EDRF1: variants seen among roughly 807,000 people sequenced by gnomAD.
EDRF1 encodes the protein erythroid differentiation-related factor 1.
Under a neutral mutation model 148.7 loss-of-function variants are expected in EDRF1, and 69 were observed. The ratio of observed to expected loss-of-function variants is 0.46; its 90% confidence interval spans 0.38 to 0.57. The LOEUF is 0.57. Among genes scored for constraint, EDRF1 ranks in the 20% least tolerant of loss-of-function variants. The pLI is 0.00. For missense variants in EDRF1, 1,118 were observed against 1,478.7 expected, an observed-to-expected ratio of 0.76 and a Z score of 4.00; for synonymous variants, 515 against 532.8, an observed-to-expected ratio of 0.97 and a Z score of 0.46.
chr10:125,719,782 C>T lies in EDRF1; in HGVS notation c.-26C>T, dbSNP rs61741149. The T allele has an allele frequency of 1.4e-3, 2,153 of 1,590,842 alleles. 30 individuals are homozygous for T. The African/African-American group carries it at 0.026, about 19-fold the overall frequency. On this transcript the variant is annotated 5_prime_UTR_variant, in exon 1 of 25. Transcript: ENST00000356792. ...TGCTGCTGCTCCTCCGCTCCCCCGTCGTATCGCCTGCCCTGGATCGAAGTG... is the reference window on the plus strand; with the variant it reads ...TGCTGCTGCTCCTCCGCTCCCCCGTTGTATCGCCTGCCCTGGATCGAAGTG...
chr10:125,730,445 A>G, intron 9 of EDRF1, 46 bp downstream of exon 9: 3 of 1,492,804 alleles, frequency 2.0e-6, no homozygotes, highest in Non-Finnish European at 2.8e-6. Context: ...GCAAATTGGT[A>G]CAGAGAGTTC....
chr10:125,730,101 G>C (rs929675234), intron 8 of EDRF1, among the ~76,000 whole-genome samples, 187 bp from the exon 9 acceptor site: 1 of 152,098 alleles, frequency 6.6e-6, no homozygotes, highest in Admixed American at 6.5e-5. Flanking sequence ...GCAAGCTTTT[G>C]GAAAGATGTT....
At chr10:125,743,029 G>A (rs372814037) in intron 17 of EDRF1, 29 bp from the exon 18 acceptor site, 36 of 1,610,176 alleles carry the variant, frequency 2.2e-5, no homozygotes, top group African/African-American at 1.3e-4. Flanking sequence ...CACATGATTC[G>A]CATTGATGTA....
At chr10:125,753,186 C>T (rs1448129744) in intron 23 of EDRF1, among the ~76,000 whole-genome samples, 1 of 152,056 alleles carries the variant, frequency 6.6e-6, no homozygotes. Context: ...TTTTTTGTTG[C>T]TGTTGGTGGG....
Position 125,733,851 on chromosome 10 carries a change from T to C in EDRF1, c.1385+108T>C, listed in dbSNP as rs575615337. 9.6e-5 allele frequency: 104 copies of C among 1,080,714 alleles called. 1 individual carries two copies. The South Asian group carries it at 1.3e-3, about 14-fold the overall frequency. 66.9% of individuals were successfully genotyped at this position (1,080,714 alleles called of 1,614,324 possible). A position where few individuals can be genotyped will look rare whatever the true frequency, so the allele number is the denominator to read the frequency against. The stretch of plus-strand genomic sequence containing the variant: ...GCTTTTAAATGCTTTTAGGTTTTCA[T>C]AGTAGGGGGAAAAATACACGTACAC... On this transcript the variant is annotated intron_variant, in intron 11 of 24. Coordinates refer to ENST00000356792, the MANE Select transcript of EDRF1 (RefSeq NM_001202438.2).
intron 23 of EDRF1, 125 bp from the exon 24 acceptor site, chr10:125,753,565 TTTTG>T (rs1325413361): frequency 9.5e-5 from 98 of 1,029,544 alleles, no homozygotes; most frequent in Middle Eastern, 4.4e-4. Flanking sequence ...TAGGTGTGCT[TTTTG>T]TTTGTTTGTC....
In EDRF1 at chr10:125,743,294, T is replaced by C. The variant is rs1253494395; in HGVS notation, c.2590+18T>C. On this transcript the variant is annotated intron_variant, in intron 18 of 24. Transcript: ENST00000356792. ...GAGACTAGGTGAGTATCTCTTTAGATTCCTCTCTATTGCTTGTTCTCTCAG... is the reference window on the plus strand; with the variant it reads ...GAGACTAGGTGAGTATCTCTTTAGACTCCTCTCTATTGCTTGTTCTCTCAG... 1 of 1,590,492 alleles carries C rather than the reference T, an allele frequency of 6.3e-7. No homozygotes were observed. The highest frequency in any genetic ancestry group is 1.3e-5 in the African/African-American group (1 of 74,394).
At chr10:125,745,551 G>A in intron 18 of EDRF1, 156 bp from the exon 19 acceptor site, 1 of 714,156 alleles carries the variant, frequency 1.4e-6, no homozygotes, top group South Asian at 1.6e-5. Context: ...TCATGTAACA[G>A]GCATGGTGAG....
chr10:125,737,493 G>T (rs964233630), intron 13 of EDRF1, among the ~76,000 whole-genome samples: 1 of 152,140 alleles, frequency 6.6e-6, no homozygotes, highest in Admixed American at 6.5e-5. Context: ...GGGATTCAGC[G>T]AAATGAAATG....
intron 24 of EDRF1, chr10:125,757,099 C>T: frequency 2.4e-6 from 1 of 408,260 alleles, no homozygotes; most frequent in South Asian, 1.8e-5. Context: ...AAGTATGAGC[C>T]ACTGCACCTG....
In EDRF1 at chr10:125,763,515, C is replaced by T; in HGVS notation, c.*43C>T. On this transcript the variant is annotated 3_prime_UTR_variant, in exon 25 of 25. Transcript: ENST00000356792. This position sits in a 1 kb window ranked among gnomAD's most constrained non-coding sequence, Gnocchi z 4.3. Reference sequence around the variant, plus strand: ...CCAGACACGCTGTCAGTGCCTTCAACACGGAGCCGGTTTGTTCATTCGGTG... The same window carrying T: ...CCAGACACGCTGTCAGTGCCTTCAATACGGAGCCGGTTTGTTCATTCGGTG... 6.3e-7 allele frequency: 1 copy of T among 1,588,044 alleles called. No homozygotes were observed. Among genetic ancestry groups the T allele is most frequent in the African/African-American group, 1.3e-5 (1 of 74,650 alleles).
In EDRF1 at chr10:125,753,694, C is replaced by T; in HGVS notation, c.3394C>T (p.Pro1132Ser). ...TAAAATAACTTTTTGTTGTTTTTAG[C>T]CTAAGAGTGGTGACGCCGCTGCAGC... The part of the protein sequence containing the change: ...QKELIEEFGQ[P>S]KSGDAAAAAD... Residue 1132 changes from proline to serine, a missense_variant and splice_region_variant, in exon 24 of 25, where the codon CCT (proline) becomes TCT (serine). By Grantham distance (74) the Pro-to-Ser change is moderately conservative. This residue lies in a region of EDRF1 where 954 missense variants were observed against 1,241.4 expected (regional missense o/e 0.77). Coordinates refer to ENST00000356792, the MANE Select transcript of EDRF1 (RefSeq NM_001202438.2). 6.2e-7 allele frequency: 1 copy of T among 1,613,826 alleles called. No individual in the cohort carries two copies. Among genetic ancestry groups the T allele is most frequent in the Non-Finnish European group, 8.5e-7 (1 of 1,179,980 alleles).
intron 15 of EDRF1, 133 bp downstream of exon 15, chr10:125,738,578 G>A (rs1361889346): frequency 1.4e-5 from 15 of 1,038,714 alleles, no homozygotes; most frequent in Middle Eastern, 3.0e-4. Context: ...ACTGGAATTA[G>A]GGGTAGTATT....
At chr10:125,724,836 A>G (rs1848176152) in intron 4 of EDRF1, among the ~76,000 whole-genome samples, 1 of 152,214 alleles carries the variant, frequency 6.6e-6, no homozygotes, top group Non-Finnish European at 1.5e-5. Flanking sequence ...ATATTACTAC[A>G]GTGCTTTGAT....
intron 11 of EDRF1, 69 bp downstream of exon 11, chr10:125,733,812 G>C: frequency 7.1e-7 from 1 of 1,416,878 alleles, no homozygotes; most frequent in South Asian, 1.2e-5. Context: ...TACAGTCACA[G>C]TTTCCAAACC....
chr10:125,719,991 GT>G, intron 1 of EDRF1, 76 bp downstream of exon 1: 1 of 1,361,028 alleles, frequency 7.3e-7, no homozygotes, highest in Non-Finnish European at 1.0e-6. Context: ...GGATGCCACG[GT>G]TCCCGGCAGA....
rs1850289492 is a variant in EDRF1, at chr10:125,763,738, C to A, written c.*266C>A. 1 of 503,178 alleles carries A rather than the reference C, an allele frequency of 2.0e-6. No homozygotes were observed. The highest frequency in any genetic ancestry group is 2.1e-5 in the South Asian group (1 of 46,662). The allele number at this position is 503,178 out of a possible 1,614,324, so 31.2% of individuals were successfully genotyped here. ...ATGTAGTACCTCGGTATTAACAGAC[C>A]TGCTGTGATGCAGTTACACTTTCAC... On this transcript the variant is annotated 3_prime_UTR_variant, in exon 25 of 25. Transcript: ENST00000356792. The surrounding 1 kb of genome is among the most constrained non-coding windows in gnomAD (Gnocchi z 4.3).
At chr10:125,746,549 A>T (rs1224869791) in intron 19 of EDRF1, among the ~76,000 whole-genome samples, 1 of 152,238 alleles carries the variant, frequency 6.6e-6, no homozygotes, top group Non-Finnish European at 1.5e-5. Context: ...TAAATGGCTA[A>T]TATATATAAA....
chr10:125,724,438 T>A (rs1848156092), intron 4 of EDRF1, among the ~76,000 whole-genome samples: 1 of 152,198 alleles, frequency 6.6e-6, no homozygotes. Context: ...AGTGTTCAGA[T>A]ACACAAATAC....
Sources: allele counts gnomAD v4.1 joint callset (sites outside exome capture counted in the v4.1 genomes callset), GRCh38; gene constraint gnomAD v4.1.1; regional missense constraint gnomAD v4.1.1; non-coding constraint Gnocchi (gnomAD v3.1); transcripts MANE v1.5; gene names NCBI Gene and HGNC (gene_info 2026-07-23, HGNC 2026-07-21).